ALDH1A3: variants seen among roughly 807,000 people sequenced by gnomAD.
ALDH1A3 encodes retinaldehyde dehydrogenase 3.
A neutral mutation model predicts 57.5 loss-of-function variants in ALDH1A3; 28 were observed. The observed-to-expected ratio is 0.49, with a 90% CI of 0.36 to 0.67. The LOEUF (loss-of-function observed/expected upper bound fraction) is 0.67. Among genes scored for constraint, ALDH1A3 ranks in the 30% least tolerant of loss-of-function variants. The pLI is 0.00. For synonymous variants in ALDH1A3, 281 were observed against 264.8 expected, an observed-to-expected ratio of 1.06 and a Z score of -0.59; for missense variants, 507 against 669.4, an observed-to-expected ratio of 0.76 and a Z score of 2.68.
chr15:100,892,762 G>T, intron 4 of ALDH1A3, 123 bp downstream of exon 4: 1 of 1,403,980 alleles, frequency 7.1e-7, no homozygotes, highest in Non-Finnish European at 9.7e-7. Context: ...CTCTCCAAAT[G>T]GTACTGCCAA....
At chr15:100,900,333 G>A (rs1217966998) in intron 8 of ALDH1A3, among the ~76,000 whole-genome samples, 2 of 152,198 alleles carry the variant, frequency 1.3e-5, no homozygotes, top group African/African-American at 4.8e-5. Context: ...GCATATTAAA[G>A]GTACTGAGAA....
chr15:100,891,187 C>G (rs1003677829), intron 3 of ALDH1A3, among the ~76,000 whole-genome samples: 11 of 152,234 alleles, frequency 7.2e-5, no homozygotes, highest in Non-Finnish European at 1.6e-4. Context: ...TCTGTGGACA[C>G]TGACTCCTTT....
In ALDH1A3 at chr15:100,887,257, C is replaced by T. The variant is rs2141549604; in HGVS notation, c.205-315C>T. On this transcript the variant is annotated intron_variant, in intron 2 of 12. Transcript: ENST00000329841. This position sits in a 1 kb window ranked among gnomAD's most constrained non-coding sequence, Gnocchi z 4.6. The stretch of plus-strand genomic sequence containing the variant: ...GATGGCCGTGGTCCCAAACTGCAGT[C>T]ACGTCAAAAGATGACACCCAAACTG... Among the ~76,000 whole-genome samples the T allele has an allele frequency of 6.6e-6, 1 of 152,206 alleles. No individual in the cohort carries two copies. Among genetic ancestry groups the T allele is most frequent in the South Asian group, 2.1e-4 (1 of 4,818 alleles).
At chr15:100,914,649 A>G in intron 12 of ALDH1A3, 52 bp from the exon 13 acceptor site, 2 of 1,561,442 alleles carry the variant, frequency 1.3e-6, no homozygotes, top group Non-Finnish European at 1.8e-6. Context: ...GTTTCTACAC[A>G]ATGGCTAAGG....
At chr15:100,896,213 T>G (rs1596126859) in intron 7 of ALDH1A3, 167 bp downstream of exon 7, 1 of 575,596 alleles carries the variant, frequency 1.7e-6, no homozygotes, top group East Asian at 2.8e-5. Context: ...GTTTCCAAAC[T>G]AAATAAATAT....
chr15:100,905,496 GCTGTACTT>G lies in ALDH1A3; in HGVS notation c.1069-24_1069-17del. The G allele has an allele frequency of 6.2e-7, 1 of 1,614,110 alleles. No individual in the cohort carries two copies. Among genetic ancestry groups the G allele is most frequent in the South Asian group, 1.1e-5 (1 of 91,074 alleles). ...CAGCCACTGCCCAGAAGGAAGCCAG[GCTGTACTT>G]CTTGTTTGTGTCTTGCAGATTGATC... is the stretch of plus-strand genomic sequence containing the variant. On this transcript the variant is annotated intron_variant, in intron 9 of 12. Transcript: ENST00000329841.
At chr15:100,885,655 CTTTTTT>C (rs4646657) in intron 2 of ALDH1A3, among the ~76,000 whole-genome samples, 2 of 138,340 alleles carry the variant, frequency 1.4e-5, no homozygotes, top group African/African-American at 5.3e-5. Flanking sequence ...TTTCTTTTTT[CTTTTTT>C]TTTTTTTTTT....
At position 100,880,193 on chromosome 15, in the gene ALDH1A3, A is replaced by T. The variant is rs2041532554; in HGVS notation, c.99+187A>T. ...CGCGGGACGTCTCGGGCGGGATCGC[A>T]GGCGGCGGGGCTCGGCGCTGTGAGC... On this transcript the variant is annotated intron_variant, in intron 1 of 12. Coordinates refer to ENST00000329841, the MANE Select transcript of ALDH1A3 (RefSeq NM_000693.4). The T allele has an allele frequency of 3.6e-5, 15 of 411,394 alleles. No homozygotes were observed. In the East Asian group the frequency reaches 5.5e-4, roughly 15 times the overall value. 25.5% of individuals were successfully genotyped at this position (411,394 alleles called of 1,614,324 possible). A position where few individuals can be genotyped will look rare whatever the true frequency, so the allele number is the denominator to read the frequency against.
At position 100,893,089 on chromosome 15, in the gene ALDH1A3, G is replaced by T; in HGVS notation, c.537+83G>T. 1 of 1,286,874 alleles carries T rather than the reference G, an allele frequency of 7.8e-7. No individual in the cohort carries two copies. 79.7% of individuals were successfully genotyped at this position (1,286,874 alleles called of 1,614,324 possible). A position where few individuals can be genotyped will look rare whatever the true frequency, so the allele number is the denominator to read the frequency against. Reference sequence around the variant, plus strand: ...GTCCTTTGGAATCAATTTCTGGTGTGTTTTTATCTGATTGCACCAGCGTTG... The same window carrying T: ...GTCCTTTGGAATCAATTTCTGGTGTTTTTTTATCTGATTGCACCAGCGTTG... On this transcript the variant is annotated intron_variant, in intron 5 of 12. Coordinates refer to ENST00000329841, the MANE Select transcript of ALDH1A3 (RefSeq NM_000693.4). The surrounding 1 kb of genome is among the most constrained non-coding windows in gnomAD (Gnocchi z 4.8).
At chr15:100,886,185 C>A (rs1361090473) in intron 2 of ALDH1A3, among the ~76,000 whole-genome samples, 2 of 152,196 alleles carry the variant, frequency 1.3e-5, no homozygotes, top group Non-Finnish European at 1.5e-5. Flanking sequence ...GACAGACGTG[C>A]AAATGCACAC....
At chr15:100,895,592 A>ACC (rs2041694290) in intron 6 of ALDH1A3, 2 of 329,040 alleles carry the variant, frequency 6.1e-6, no homozygotes, top group East Asian at 5.6e-5. Context: ...ACACACACAC[A>ACC]CCCCACATGG....
chr15:100,895,461 A>G lies in ALDH1A3; in HGVS notation c.667-472A>G, dbSNP rs549116650. 1.8e-3 allele frequency: 291 copies of G among 158,292 alleles called. 1 individual carries two copies. The highest frequency in any genetic ancestry group is 1.9e-3 in the Non-Finnish European group (138 of 71,426). The allele number at this position is 158,292 out of a possible 1,614,324, so 9.8% of individuals were successfully genotyped here. On this transcript the variant is annotated intron_variant, in intron 6 of 12. Transcript: ENST00000329841. The stretch of plus-strand genomic sequence containing the variant: ...CAAGACTCCATCTCAAAAAAAAAAA[A>G]AAGAAGAAAAAACAAAACTGAAGCT...
rs112582857 is a variant in ALDH1A3 at position 100,905,588 on chromosome 15, G to A, written c.1134G>A (p.Lys378=). The change falls in exon 10 of 13, where the codon AAG becomes AAA. Residue 378 remains lysine (K), a synonymous_variant. Coordinates refer to ENST00000329841, the MANE Select transcript of ALDH1A3 (RefSeq NM_000693.4). ...AGAGTGGGAAGAAGGAAGGGGCCAA[G>A]CTGGAATGCGGGGGCTCAGCCATGG... The part of the protein sequence containing the change: ...LIESGKKEGA[K]LECGGSAMED... 1,756 of 1,614,152 alleles carry A rather than the reference G, an allele frequency of 1.1e-3. 13 individuals are homozygous for A. Among genetic ancestry groups the A allele is most frequent in the Middle Eastern group, 6.1e-3 (37 of 6,062 alleles).
At chr15:100,904,152 G>A (rs1032673633) in intron 9 of ALDH1A3, among the ~76,000 whole-genome samples, 5 of 152,104 alleles carry the variant, frequency 3.3e-5, no homozygotes, top group Non-Finnish European at 5.9e-5. Flanking sequence ...CTGGTATAAA[G>A]TGTGAGGTAT....
At chr15:100,910,781 A>T (rs1214825627) in intron 12 of ALDH1A3, among the ~76,000 whole-genome samples, 1 of 152,182 alleles carries the variant, frequency 6.6e-6, no homozygotes, top group African/African-American at 2.4e-5. Context: ...GACCCCACAC[A>T]GTCCTCCTCC....
chr15:100,908,632 G>A, intron 12 of ALDH1A3, 150 bp downstream of exon 12: 1 of 688,458 alleles, frequency 1.5e-6, no homozygotes, highest in Non-Finnish European at 2.5e-6. Context: ...TAGGGTTGGT[G>A]GGGACCCATC....
rs1349138696 is a variant in ALDH1A3 at position 100,914,894 on chromosome 15, CT to C, written c.*122del. 1 of 861,652 alleles carries C rather than the reference CT, an allele frequency of 1.2e-6. No individual in the cohort carries two copies. Among genetic ancestry groups the C allele is most frequent in the Non-Finnish European group, 1.8e-6 (1 of 554,216 alleles). The allele number at this position is 861,652 out of a possible 1,614,324, so 53.4% of individuals were successfully genotyped here. On this transcript the variant is annotated 3_prime_UTR_variant, in exon 13 of 13. Coordinates refer to ENST00000329841, the MANE Select transcript of ALDH1A3 (RefSeq NM_000693.4). The stretch of plus-strand genomic sequence containing the variant: ...ACACATTCTTCTGGAGGCTTTACAT[CT>C]ACTGGAGTTGAATGATTGCTGTTTT...
chr15:100,909,050 C>T lies in ALDH1A3; in HGVS notation c.1466+568C>T, dbSNP rs150120516. On this transcript the variant is annotated intron_variant, in intron 12 of 12. Transcript: ENST00000329841. The stretch of plus-strand genomic sequence containing the variant: ...AACCCACTGCAAACCCCTCCATGCG[C>T]GTGCAAACCCACTGCAAACCCTCCA... Among the ~76,000 whole-genome samples the T allele has an allele frequency of 2.5e-3, 373 of 148,068 alleles. 2 individuals carry two copies. The highest frequency in any genetic ancestry group is 0.012 in the East Asian group (58 of 4,822).
chr15:100,885,381 T>TC lies in ALDH1A3; in HGVS notation c.204+10_204+11insC. On this transcript the variant is annotated intron_variant, in intron 2 of 12. Transcript: ENST00000329841. ...GGAAGAAGGAGATAAGGTAAATACT[T>TC]AAAATAAATTTGCTCTAAGTAATTC... 2 of 1,577,162 alleles carry TC rather than the reference T, an allele frequency of 1.3e-6. No homozygotes were observed. The highest frequency in any genetic ancestry group is 2.2e-5 in the South Asian group (2 of 90,304).
Sources: allele counts gnomAD v4.1 joint callset (sites outside exome capture counted in the v4.1 genomes callset), GRCh38; gene constraint gnomAD v4.1.1; non-coding constraint Gnocchi (gnomAD v3.1); transcripts MANE v1.5; gene names NCBI Gene and HGNC (gene_info 2026-07-23, HGNC 2026-07-21).